Variants in PAPSS2 observed in about 807,000 individuals in gnomAD.
PAPSS2 encodes the protein bifunctional 3'-phosphoadenosine 5'-phosphosulfate synthase 2.
A neutral mutation model predicts 66.5 loss-of-function variants in PAPSS2; 61 were observed. That is an observed-to-expected ratio of 0.92 (90% CI 0.75 to 1.14). The LOEUF (loss-of-function observed/expected upper bound fraction) is 1.14, where lower values mean the gene tolerates loss of function less well. PAPSS2 is among the 50% of genes most tolerant of loss of function. The pLI, the probability that PAPSS2 is intolerant of heterozygous loss-of-function variation, is 0.00. For missense variants in PAPSS2, 708 were observed against 789.6 expected, an observed-to-expected ratio of 0.90 and a Z score of 1.24; for synonymous variants, 289 against 287.5, an observed-to-expected ratio of 1.01 and a Z score of -0.05.
At chr10:87,721,405 A>AAAACTTCTTGGTGAAGCTGGAG (rs1479845270) in intron 7 of PAPSS2, among the ~76,000 whole-genome samples, 4 of 152,184 alleles carry the variant, frequency 2.6e-5, no homozygotes, top group Admixed American at 1.3e-4. Flanking sequence ...TTTGCAAGAG[A>AAAACTTCTTGGTGAAGCTGGAG]AAACTTCTTG....
chr10:87,678,772 CA>C (rs973921547), intron 1 of PAPSS2, among the ~76,000 whole-genome samples: 63 of 149,086 alleles, frequency 4.2e-4, no homozygotes, highest in African/African-American at 1.4e-3. Flanking sequence ...TGTAAAAAGA[CA>C]AAAAAAAAGT....
intron 1 of PAPSS2, among the ~76,000 whole-genome samples, chr10:87,706,554 G>A (rs1185116351): frequency 1.3e-5 from 2 of 149,896 alleles, no homozygotes; most frequent in Non-Finnish European, 3.0e-5. Flanking sequence ...CCCAGGAGTT[G>A]GAGATCAGCC....
At chr10:87,719,867 TTTTTTA>T (rs1853574164) in intron 7 of PAPSS2, among the ~76,000 whole-genome samples, 1 of 152,108 alleles carries the variant, frequency 6.6e-6, no homozygotes, top group Non-Finnish European at 1.5e-5. Context: ...TGAAACTTTC[TTTTTTA>T]TTTTCTTTTT....
At chr10:87,735,360 G>A (rs1178576694) in intron 9 of PAPSS2, among the ~76,000 whole-genome samples, 1 of 152,148 alleles carries the variant, frequency 6.6e-6, no homozygotes, top group African/African-American at 2.4e-5. Flanking sequence ...TTTTTAGGCT[G>A]GATGGTGGAT....
intron 1 of PAPSS2, chr10:87,703,686 T>G (rs997302054): frequency 1.9e-6 from 1 of 516,488 alleles, no homozygotes; most frequent in African/African-American, 1.9e-5. Context: ...AATCCAGGTC[T>G]GCTTGACTCC....
intron 9 of PAPSS2, among the ~76,000 whole-genome samples, chr10:87,734,212 C>T (rs1048496582): frequency 6.6e-6 from 1 of 152,162 alleles, no homozygotes; most frequent in East Asian, 1.9e-4. Flanking sequence ...GCTGGTCATT[C>T]GATCATGCGC....
intron 1 of PAPSS2, among the ~76,000 whole-genome samples, chr10:87,701,327 CCTTTCTTTCTTTCTTTCTTTCTTT>C (rs71019494): frequency 4.7e-4 from 34 of 72,248 alleles, no homozygotes; most frequent in Non-Finnish European, 5.3e-4. Flanking sequence ...TTCCTTCCTT[CCTTTCTTTCTTTCTTTCTTTCTTT>C]CTTTCTTTCT....
intron 1 of PAPSS2, among the ~76,000 whole-genome samples, chr10:87,684,610 G>A (rs12781358): frequency 0.38 from 57,347 of 152,084 alleles, 11,968 homozygotes; most frequent in Non-Finnish European, 0.48. Context: ...AGTGTTGTGC[G>A]TAGCTGTCCT....
intron 7 of PAPSS2, among the ~76,000 whole-genome samples, chr10:87,718,272 C>G (rs941015260): frequency 2.6e-5 from 4 of 152,236 alleles, no homozygotes; most frequent in Middle Eastern, 6.8e-3. Flanking sequence ...TTCAGATAAT[C>G]TGCCCGCCTC....
At chr10:87,669,010 C>A (rs1852845152) in intron 1 of PAPSS2, among the ~76,000 whole-genome samples, 1 of 152,154 alleles carries the variant, frequency 6.6e-6, no homozygotes, top group Admixed American at 6.5e-5. Flanking sequence ...TCTGACTTAG[C>A]TTTAGCATTT....
At position 87,743,416 on chromosome 10, in the gene PAPSS2, C is replaced by T. The variant is rs1228152367; in HGVS notation, c.1266C>T (p.Gly422=). ...AGTTGCGCAATCCTGTCCACAATGG[C>T]CATGCCCTGTTGATGCAGGACACTC... The part of the protein sequence containing the change: ...AFQLRNPVHN[G]HALLMQDTRR... Residue 422 remains glycine (G), a synonymous_variant, in exon 11 of 13, where the codon GGC becomes GGT. Transcript: ENST00000456849. The T allele has an allele frequency of 1.9e-6, 3 of 1,614,074 alleles. No homozygotes were observed. Among genetic ancestry groups the T allele is most frequent in the East Asian group, 4.5e-5 (2 of 44,872 alleles).
intron 9 of PAPSS2, among the ~76,000 whole-genome samples, chr10:87,734,703 ATATG>A (rs1554868034): frequency 7.2e-5 from 8 of 111,690 alleles, no homozygotes; most frequent in East Asian, 4.1e-4. Flanking sequence ...ATATATATAT[ATATG>A]TATGTATTCT....
At chr10:87,718,897 G>C (rs1420907400) in intron 7 of PAPSS2, among the ~76,000 whole-genome samples, 2 of 152,170 alleles carry the variant, frequency 1.3e-5, no homozygotes, top group Admixed American at 6.5e-5. Context: ...TGTCAGGAGG[G>C]TTCAAGATCA....
chr10:87,710,908 C>A (rs909345224), intron 2 of PAPSS2, among the ~76,000 whole-genome samples: 6 of 152,096 alleles, frequency 3.9e-5, no homozygotes, highest in African/African-American at 1.4e-4. Context: ...GAAGCTGAGG[C>A]AGGAGAATCA....
Position 87,743,386 on chromosome 10 carries a change from A to C in PAPSS2, c.1236A>C (p.Ala412=). The C allele has an allele frequency of 6.2e-7, 1 of 1,613,790 alleles. No homozygotes were observed. Among genetic ancestry groups the C allele is most frequent in the Non-Finnish European group, 8.5e-7 (1 of 1,179,980 alleles). Residue 412 remains alanine (A), a synonymous_variant, in exon 11 of 13, where the codon GCA becomes GCC. Transcript: ENST00000456849. ...TTCCTCTCCCAGATGCGGTGTTTGC[A>C]TTCCAGTTGCGCAATCCTGTCCACA... ...CKEMNADAVF[A]FQLRNPVHNG...
At chr10:87,677,228 A>G (rs1852961229) in intron 1 of PAPSS2, among the ~76,000 whole-genome samples, 1 of 152,174 alleles carries the variant, frequency 6.6e-6, no homozygotes, top group African/African-American at 2.4e-5. Context: ...CAGATATTTA[A>G]TGCAGATATC....
chr10:87,701,394 T>TTCTC (rs1171684716), intron 1 of PAPSS2, among the ~76,000 whole-genome samples: 2 of 84,716 alleles, frequency 2.4e-5, no homozygotes, highest in Non-Finnish European at 4.4e-5. Context: ...CTTTCTTTCT[T>TTCTC]TCTCTTTCTT....
Position 87,746,106 on chromosome 10 carries a change from A to T in PAPSS2, c.*136A>T. On this transcript the variant is annotated 3_prime_UTR_variant, in exon 13 of 13. Transcript: ENST00000456849. ...TAATGAAGTAAAAGTTGTGTCTATA[A>T]TTAAAAAAAAATATATATATATACA... 1.4e-6 allele frequency: 1 copy of T among 717,224 alleles called. No homozygotes were observed. Among genetic ancestry groups the T allele is most frequent in the Non-Finnish European group, 2.2e-6 (1 of 446,048 alleles). The allele number at this position is 717,224 out of a possible 1,614,324, so 44.4% of individuals were successfully genotyped here.
chr10:87,743,242 CA>C (rs113848137), intron 10 of PAPSS2, 130 bp from the exon 11 acceptor site: 138,653 of 759,992 alleles, frequency 0.18, 92 homozygotes, highest in East Asian at 0.29. Context: ...GAGACTCTTT[CA>C]AAAAAAAAAA....
Sources: allele counts gnomAD v4.1 joint callset (sites outside exome capture counted in the v4.1 genomes callset), GRCh38; gene constraint gnomAD v4.1.1; transcripts MANE v1.5; gene names NCBI Gene and HGNC (gene_info 2026-07-23, HGNC 2026-07-21).